The following PDE4A variants were observed in gnomAD, a reference collection of about 807,000 sequenced individuals.
PDE4A encodes phosphodiesterase 4A.
Under a neutral mutation model 73.9 loss-of-function variants are expected in PDE4A, and 21 were observed. The observed-to-expected ratio is 0.28, with a 90% CI of 0.20 to 0.41. PDE4A has a LOEUF of 0.41. Among genes scored for constraint, PDE4A ranks in the 10% least tolerant of loss-of-function variants. PDE4A has a pLI of 1.00. For synonymous variants in PDE4A, 463 were observed against 505.4 expected (o/e 0.92, Z 1.13); for missense variants, 958 against 1,211.4 (o/e 0.79, Z 3.10).
rs1188777892 is a variant in PDE4A at position 10,463,966 on chromosome 19, G to A, written c.1917G>A (p.Glu639=). 3.1e-6 allele frequency: 5 copies of A among 1,614,154 alleles called. No individual in the cohort carries two copies. The highest frequency in any genetic ancestry group is 4.2e-6 in the Non-Finnish European group (5 of 1,180,002). The change falls in exon 14 of 15, where the codon GAG becomes GAA. Residue 639 remains glutamate (E), a synonymous_variant. Transcript: ENST00000380702. ...GTGACAAGCACACTGCCTCCGTGGA[G>A]AAGTCTCAGGTACAGGCTCGGGGCA... The part of the protein sequence containing the change: ...PMCDKHTASV[E]KSQVGFIDYI...
At chr19:10,435,591 CAA>C (rs1491528953) in intron 1 of PDE4A, among the ~76,000 whole-genome samples, 6 of 140,972 alleles carry the variant, frequency 4.3e-5, no homozygotes, top group South Asian at 4.6e-4. Flanking sequence ...CACACACACA[CAA>C]ACAAACAAAC....
At chr19:10,431,808 G>C (rs2042791885) in intron 1 of PDE4A, among the ~76,000 whole-genome samples, 1 of 152,132 alleles carries the variant, frequency 6.6e-6, no homozygotes, top group South Asian at 2.1e-4. Flanking sequence ...AGAGGGGCCA[G>C]GGCCTTTGGG....
At position 10,459,619 on chromosome 19, in the gene PDE4A, C is replaced by T. The variant is rs201196140; in HGVS notation, c.1225C>T (p.Arg409Cys). The T allele has an allele frequency of 5.9e-5, 96 of 1,614,040 alleles. No homozygotes were observed. The African/African-American group carries it at 6.7e-4, about 11-fold the overall frequency. Residue 409 changes from arginine (R) to cysteine (C), a missense_variant, in exon 10 of 15, where the codon CGC becomes TGC. Arg to Cys is a radical substitution (Grantham distance 180, BLOSUM62 -3). Around this residue, in one of 3 missense-constraint regions of PDE4A, gnomAD observed 570 missense variants for 827.7 expected, o/e 0.69. Coordinates refer to ENST00000380702, the MANE Select transcript of PDE4A (RefSeq NM_001111307.2). ...FQERDLLKKFRIPVDTMVTYM... is the reference protein window; with the variant it reads ...FQERDLLKKFCIPVDTMVTYM... ...GGAGCGGGACCTGCTGAAGAAATTC[C>T]GCATCCCTGTGGACACGATGGTGAC...
intron 7 of PDE4A, among the ~76,000 whole-genome samples, chr19:10,457,536 C>T (rs76619635): frequency 0.21 from 31,451 of 150,680 alleles, 3,472 homozygotes; most frequent in Middle Eastern, 0.26. Context: ...ATGCTGGGAT[C>T]TTCCCCACCC....
At chr19:10,461,739 G>T in intron 12 of PDE4A, 59 bp downstream of exon 12, 1 of 1,600,102 alleles carries the variant, frequency 6.2e-7, no homozygotes, top group South Asian at 1.1e-5. Context: ...GAGGGCTTTG[G>T]GGAGGAGTGG....
chr19:10,466,885 A>T lies in PDE4A; in HGVS notation c.1927-2A>T. The T allele has an allele frequency of 6.2e-7, 1 of 1,610,296 alleles. No individual in the cohort carries two copies. The highest frequency in any genetic ancestry group is 8.5e-7 in the Non-Finnish European group (1 of 1,177,426). On this transcript the variant is annotated splice_acceptor_variant, in intron 14 of 14. Coordinates refer to ENST00000380702, the MANE Select transcript of PDE4A (RefSeq NM_001111307.2). LOFTEE classifies it high-confidence loss of function. ...CATTTATACTTTCTTCCCCTCCACC[A>T]GGTGGGTTTTATTGACTACATTGTG...
Position 10,469,136 on chromosome 19 carries a change from G to A in PDE4A, c.*1515G>A, listed in dbSNP as rs566013803. The A allele has an allele frequency of 2.0e-5, 3 of 152,692 alleles. No individual in the cohort carries two copies. The South Asian group carries it at 6.2e-4, about 32-fold the overall frequency. The allele number at this position is 152,692 out of a possible 1,614,324, so 9.5% of individuals were successfully genotyped here. ...GTTTTTGTCCCAGCCGGCGATCGGA[G>A]TGGGCCTTTTCTTTCTTTTTGTTCA... On this transcript the variant is annotated 3_prime_UTR_variant, in exon 15 of 15. Transcript: ENST00000380702.
intron 1 of PDE4A, among the ~76,000 whole-genome samples, chr19:10,433,077 G>T (rs1161342740): frequency 6.6e-6 from 1 of 152,172 alleles, no homozygotes; most frequent in African/African-American, 2.4e-5. Flanking sequence ...CTGAGCTGGG[G>T]CTGTGAGTGG....
At chr19:10,426,862 C>T (rs1188286340) in intron 1 of PDE4A, among the ~76,000 whole-genome samples, 1 of 146,088 alleles carries the variant, frequency 6.8e-6, no homozygotes, top group Admixed American at 6.8e-5. Flanking sequence ...AGCCAGACTC[C>T]GTCTCAAAAA....
chr19:10,448,788 G>A, intron 2 of PDE4A, 129 bp from the exon 3 acceptor site: 3 of 1,515,888 alleles, frequency 2.0e-6, no homozygotes, highest in Middle Eastern at 2.3e-4. Flanking sequence ...CAGTACAAGT[G>A]TTCTTTCCCT....
At chr19:10,434,086 A>G (rs2042831544) in intron 1 of PDE4A, among the ~76,000 whole-genome samples, 1 of 152,118 alleles carries the variant, frequency 6.6e-6, no homozygotes. Flanking sequence ...TAAATTTTAA[A>G]AGAAATCCAT....
chr19:10,435,425 G>A (rs181466874), intron 1 of PDE4A, among the ~76,000 whole-genome samples: 51 of 152,062 alleles, frequency 3.4e-4, no homozygotes, highest in South Asian at 8.3e-4. Flanking sequence ...GCTGGGTGTG[G>A]TGGTGTGCGC....
intron 4 of PDE4A, among the ~76,000 whole-genome samples, chr19:10,449,393 T>C (rs2043059298): frequency 6.6e-6 from 1 of 152,184 alleles, no homozygotes; most frequent in Non-Finnish European, 1.5e-5. Flanking sequence ...CAAGTCTCAC[T>C]CTGTCACACA....
intron 7 of PDE4A, among the ~76,000 whole-genome samples, chr19:10,456,200 G>A (rs2145563416): frequency 6.6e-6 from 1 of 152,094 alleles, no homozygotes; most frequent in Non-Finnish European, 1.5e-5. Context: ...AGACCAGCCT[G>A]GGCAACATAG....
At chr19:10,463,303 C>A (rs960025377) in intron 13 of PDE4A, among the ~76,000 whole-genome samples, 2 of 151,328 alleles carry the variant, frequency 1.3e-5, no homozygotes, top group Non-Finnish European at 2.9e-5. Flanking sequence ...TTGGCCAGGC[C>A]GATCTCAAAT....
rs201999827 is a variant in PDE4A, at chr19:10,461,536, G to A, written c.1476G>A (p.Leu492=). ...CGGGCTGGGCTGCAGATTCGGAGCT[G>A]GCGCTCATGTACAACGATGAGTCGG... is the stretch of plus-strand genomic sequence containing the variant. ...NQFLINTNSE[L]ALMYNDESVL... The change falls in exon 12 of 15, where the codon CTG becomes CTA. Residue 492 remains leucine (L), a synonymous_variant. Coordinates refer to ENST00000380702, the MANE Select transcript of PDE4A (RefSeq NM_001111307.2). 178 of 1,613,954 alleles carry A rather than the reference G, an allele frequency of 1.1e-4. No homozygotes were observed. The highest frequency in any genetic ancestry group is 1.4e-4 in the Non-Finnish European group (170 of 1,180,036).
At chr19:10,436,587 T>G (rs1376222633) in intron 1 of PDE4A, among the ~76,000 whole-genome samples, 1 of 152,138 alleles carries the variant, frequency 6.6e-6, no homozygotes, top group African/African-American at 2.4e-5. Flanking sequence ...ACCTATATGT[T>G]AACTTATAGA....
chr19:10,448,783 C>T (rs1302051997), intron 2 of PDE4A, 134 bp from the exon 3 acceptor site: 3 of 1,504,050 alleles, frequency 2.0e-6, no homozygotes, highest in African/African-American at 2.8e-5. Context: ...TTATGCAGTA[C>T]AAGTGTTCTT....
At chr19:10,436,313 T>C (rs1423845906) in intron 1 of PDE4A, among the ~76,000 whole-genome samples, 3 of 152,138 alleles carry the variant, frequency 2.0e-5, no homozygotes, top group African/African-American at 7.2e-5. Flanking sequence ...CCCAGCACTT[T>C]GGGAGGCCGA....
Sources: gnomAD v4.1 joint callset for allele counts (sites outside exome capture counted in the v4.1 genomes callset) on GRCh38, gnomAD v4.1.1 for gene constraint, gnomAD v4.1.1 regional missense constraint, MANE v1.5 for transcripts, NCBI Gene and HGNC (gene_info 2026-07-23, HGNC 2026-07-21) for gene names.